The following PCDHA3 variants were observed in gnomAD, a reference collection of about 807,000 sequenced individuals.
PCDHA3 encodes the protein protocadherin alpha 3.
PCDHA3 carries 41 observed loss-of-function variants against 62.2 expected under a neutral mutation model. That is an observed-to-expected ratio of 0.66 (90% CI 0.51 to 0.86). The LOEUF is 0.86. PCDHA3 is among the 40% of genes least tolerant of loss of function. The probability of loss-of-function intolerance (pLI) is 0.00; values close to 1 mark genes in which losing one functional copy is unlikely to be tolerated. For synonymous variants in PCDHA3, 640 were observed against 555.4 expected (o/e 1.15, Z -2.14); for missense variants, 1,304 against 1,241.2 (o/e 1.05, Z -0.76).
chr5:141,000,005 C>T (rs2097888446), intron 3 of PCDHA3, among the ~76,000 whole-genome samples: 1 of 152,024 alleles, frequency 6.6e-6, no homozygotes. Context: ...ATTAGATTGG[C>T]CTCCCCATTG....
chr5:140,843,065 C>G, intron 1 of PCDHA3: 1 of 1,595,232 alleles, frequency 6.3e-7, no homozygotes, highest in Non-Finnish European at 8.6e-7. Context: ...CAAGCTGGTG[C>G]CGCGGTCTGT....
chr5:140,869,381 A>G, intron 1 of PCDHA3: 2 of 1,614,128 alleles, frequency 1.2e-6, no homozygotes, highest in South Asian at 1.1e-5. Flanking sequence ...ATCGACCGCG[A>G]GGAGCTGTGC....
At chr5:140,941,310 CTTCT>C (rs2093024652) in intron 1 of PCDHA3, among the ~76,000 whole-genome samples, 1 of 79,250 alleles carries the variant, frequency 1.3e-5, no homozygotes, top group Non-Finnish European at 2.6e-5. Flanking sequence ...CTTTCTTTTT[CTTCT>C]TTCTCTTTTT....
At chr5:140,876,554 A>C (rs2056417075) in intron 1 of PCDHA3, 2 of 1,614,052 alleles carry the variant, frequency 1.2e-6, no homozygotes, top group African/African-American at 2.7e-5. Context: ...CCTGTGCAAG[A>C]GGATGCTCAG....
chr5:140,852,390 G>A (rs1418398381), intron 1 of PCDHA3: 1 of 186,076 alleles, frequency 5.4e-6, no homozygotes, highest in African/African-American at 2.4e-5. Context: ...CAATTCTCCT[G>A]CCTCAGCCTC....
At chr5:140,870,424 T>C (rs782689834) in intron 1 of PCDHA3, 6 of 1,614,156 alleles carry the variant, frequency 3.7e-6, no homozygotes, top group Non-Finnish European at 5.1e-6. Flanking sequence ...GGCCAGGGTA[T>C]CCGTGGAGGT....
At chr5:140,941,317 CTCT>C (rs2093029316) in intron 1 of PCDHA3, among the ~76,000 whole-genome samples, 2 of 99,150 alleles carry the variant, frequency 2.0e-5, no homozygotes, top group Non-Finnish European at 4.2e-5. Flanking sequence ...TTTCTTCTTT[CTCT>C]TTTTTTTTTT....
chr5:140,854,582 T>TA (rs757658134), intron 1 of PCDHA3: 9 of 149,824 alleles, frequency 6.0e-5, no homozygotes, highest in Non-Finnish European at 1.0e-4. Context: ...CAGATTTTAA[T>TA]AAAAAAAGTT....
chr5:140,890,772 C>T (rs2062796545), intron 1 of PCDHA3, among the ~76,000 whole-genome samples: 1 of 152,118 alleles, frequency 6.6e-6, no homozygotes, highest in South Asian at 2.1e-4. Context: ...TATTTTAAAA[C>T]CCCATAAGAT....
intron 1 of PCDHA3, chr5:140,857,742 TG>T (rs1562528366): frequency 1.3e-6 from 2 of 1,597,278 alleles, no homozygotes; most frequent in African/African-American, 2.7e-5. Context: ...CCCGCGCTGC[TG>T]GCGTCTCCCG....
intron 1 of PCDHA3, among the ~76,000 whole-genome samples, chr5:140,960,401 G>C (rs1219932748): frequency 2.0e-5 from 3 of 151,956 alleles, no homozygotes; most frequent in African/African-American, 7.3e-5. Flanking sequence ...TGCAAGGGGG[G>C]GTGCCCAAAA....
At chr5:140,883,416 G>A (rs782422692) in intron 1 of PCDHA3, 3 of 1,614,158 alleles carry the variant, frequency 1.9e-6, no homozygotes, top group East Asian at 2.2e-5. Context: ...GGCTCAAATG[G>A]ACAGGTCACC....
chr5:140,891,225 T>C (rs1554184733), intron 1 of PCDHA3, among the ~76,000 whole-genome samples: 1 of 152,222 alleles, frequency 6.6e-6, no homozygotes, highest in Non-Finnish European at 1.5e-5. Context: ...TTTATAATCA[T>C]CCTGTTCTGG....
intron 1 of PCDHA3, chr5:140,883,208 A>G: frequency 6.2e-7 from 1 of 1,614,034 alleles, no homozygotes; most frequent in Non-Finnish European, 8.5e-7. Flanking sequence ...CGAAGAAAAG[A>G]AATTATATGA....
At chr5:140,946,720 A>C (rs1460843213) in intron 1 of PCDHA3, among the ~76,000 whole-genome samples, 4 of 150,970 alleles carry the variant, frequency 2.6e-5, no homozygotes, top group African/African-American at 9.8e-5. Flanking sequence ...ATGTTTAGTT[A>C]AATAAGCCAG....
intron 1 of PCDHA3, among the ~76,000 whole-genome samples, chr5:140,878,995 A>G (rs2057802646): frequency 6.6e-6 from 1 of 152,246 alleles, no homozygotes; most frequent in South Asian, 2.1e-4. Context: ...AAATGAGAGT[A>G]TGCCCTAGAA....
chr5:140,806,670 C>A (rs912228028), intron 1 of PCDHA3, among the ~76,000 whole-genome samples: 1 of 152,020 alleles, frequency 6.6e-6, no homozygotes, highest in African/African-American at 2.4e-5. Flanking sequence ...TAAAAAAAAA[C>A]CCTGGAATTC....
chr5:140,931,659 G>A (rs1554208521), intron 1 of PCDHA3, among the ~76,000 whole-genome samples: 1 of 151,694 alleles, frequency 6.6e-6, no homozygotes, highest in Non-Finnish European at 1.5e-5. Flanking sequence ...GTTGTGGGCT[G>A]GATATTTCCT....
At chr5:140,875,841 G>A in intron 1 of PCDHA3, 2 of 1,614,164 alleles carry the variant, frequency 1.2e-6, no homozygotes, top group Non-Finnish European at 1.7e-6. Flanking sequence ...ACGTGGAGGT[G>A]AAGGACATTA....
Sources: allele counts gnomAD v4.1 joint callset (sites outside exome capture counted in the v4.1 genomes callset), GRCh38; gene constraint gnomAD v4.1.1; transcripts MANE v1.5; gene names NCBI Gene and HGNC (gene_info 2026-07-23, HGNC 2026-07-21).